The following TP73 variants were observed in gnomAD, a reference collection of about 807,000 sequenced individuals.
TP73 encodes the protein tumor protein p73, also known as p53-like transcription factor.
A neutral mutation model predicts 62.5 loss-of-function variants in TP73; 25 were observed. The observed-to-expected ratio is 0.40, with a 90% CI of 0.29 to 0.56. The LOEUF (loss-of-function observed/expected upper bound fraction) is 0.56, where lower values mean the gene tolerates loss of function less well. TP73 is among the 20% of genes least tolerant of loss of function. The probability of loss-of-function intolerance (pLI) is 0.46; values close to 1 mark genes in which losing one functional copy is unlikely to be tolerated. For missense variants in TP73, 754 were observed against 913.3 expected (o/e 0.83, Z 2.25); for synonymous variants, 423 against 377.5 (o/e 1.12, Z -1.40).
intron 9 of TP73, 46 bp downstream of exon 9, chr1:3,728,263 C>T (rs759382486): frequency 2.5e-6 from 4 of 1,583,118 alleles, no homozygotes; most frequent in Non-Finnish European, 3.4e-6. Flanking sequence ...TGCCTCACCT[C>T]TGTCGTCTGC....
At chr1:3,697,074 G>T (rs1329644178) in intron 3 of TP73, among the ~76,000 whole-genome samples, 2 of 151,950 alleles carry the variant, frequency 1.3e-5, no homozygotes, top group East Asian at 1.9e-4. Flanking sequence ...CTTTGCTCAG[G>T]CCAGAGCCCT....
chr1:3,717,085 A>T (rs1393283825), intron 4 of TP73, among the ~76,000 whole-genome samples: 1 of 152,238 alleles, frequency 6.6e-6, no homozygotes, highest in Non-Finnish European at 1.5e-5. Context: ...GGTTAACGGT[A>T]TTTGCGGTTT....
At chr1:3,671,621 G>C (rs1159014673) in intron 1 of TP73, among the ~76,000 whole-genome samples, 1 of 152,248 alleles carries the variant, frequency 6.6e-6, no homozygotes, top group Non-Finnish European at 1.5e-5. Context: ...GCCAGCTGTG[G>C]TGCTTCTGAG....
In TP73 at chr1:3,663,186, G is replaced by A. The variant is rs534633928; in HGVS notation, c.-34+10545G>A. Among the ~76,000 whole-genome samples, 15 of 152,262 alleles carry A rather than the reference G, an allele frequency of 9.9e-5. No individual in the cohort carries two copies. The highest frequency in any genetic ancestry group is 6.2e-4 in the South Asian group (3 of 4,822). On this transcript the variant is annotated intron_variant, in intron 1 of 13. Transcript: ENST00000378295. The surrounding 1 kb of genome is among the most constrained non-coding windows in gnomAD (Gnocchi z 4.7). ...AGAAGGGGCCTCTCTTCTTCACGAG[G>A]CTGGTGGCTGCGGCACCTACAAAGA...
chr1:3,733,185 G>C lies in TP73; in HGVS notation c.*106G>C. On this transcript the variant is annotated 3_prime_UTR_variant, in exon 14 of 14. Coordinates refer to ENST00000378295, the MANE Select transcript of TP73 (RefSeq NM_005427.4). ...CCTCAGGAGGCAGGACCTTCGGGCT[G>C]TGCCCGGGGAAAGGCAAGGTCCGGC... 3 of 1,318,520 alleles carry C rather than the reference G, an allele frequency of 2.3e-6. No individual in the cohort carries two copies. Among genetic ancestry groups the C allele is most frequent in the Non-Finnish European group, 3.0e-6 (3 of 986,504 alleles). 81.7% of individuals were successfully genotyped at this position (1,318,520 alleles called of 1,614,324 possible). A position where few individuals can be genotyped will look rare whatever the true frequency, so the allele number is the denominator to read the frequency against.
chr1:3,669,978 AG>A (rs1645203898), intron 1 of TP73, among the ~76,000 whole-genome samples: 1 of 152,056 alleles, frequency 6.6e-6, no homozygotes, highest in African/African-American at 2.4e-5. Flanking sequence ...AGGGAAACTG[AG>A]TGACCAGCTC....
chr1:3,728,445 C>T (rs528151805), intron 9 of TP73, among the ~76,000 whole-genome samples: 3 of 152,320 alleles, frequency 2.0e-5, no homozygotes, highest in Admixed American at 1.3e-4. Flanking sequence ...AAAAACCCAG[C>T]GTCATGCCAT....
chr1:3,683,993 T>C (rs1197110222), intron 3 of TP73, among the ~76,000 whole-genome samples: 2 of 152,230 alleles, frequency 1.3e-5, no homozygotes, highest in Non-Finnish European at 2.9e-5. Context: ...CCCTGCCCCA[T>C]TGGCTGCTCC....
chr1:3,685,876 C>T (rs1645641634), intron 3 of TP73, among the ~76,000 whole-genome samples: 1 of 152,232 alleles, frequency 6.6e-6, no homozygotes, highest in African/African-American at 2.4e-5. Context: ...AAAACTGCCA[C>T]CTGCAGCTCA....
chr1:3,692,329 C>A (rs570867875), intron 3 of TP73, among the ~76,000 whole-genome samples: 1 of 152,146 alleles, frequency 6.6e-6, no homozygotes, highest in African/African-American at 2.4e-5. Flanking sequence ...AGCCCCACAG[C>A]CTGCCCAGAT....
intron 1 of TP73, among the ~76,000 whole-genome samples, chr1:3,675,913 G>A (rs1273542972): frequency 2.0e-5 from 3 of 152,120 alleles, no homozygotes; most frequent in African/African-American, 4.8e-5. Context: ...AGGATGGGGC[G>A]TCAGCCGGAG....
intron 1 of TP73, among the ~76,000 whole-genome samples, chr1:3,681,505 G>A (rs992403619): frequency 3.3e-5 from 5 of 152,168 alleles, no homozygotes; most frequent in Admixed American, 2.0e-4. Context: ...ACGGGCGCTG[G>A]GGTCAGAGCT....
At chr1:3,719,379 C>T (rs1392061466) in intron 4 of TP73, among the ~76,000 whole-genome samples, 2 of 152,304 alleles carry the variant, frequency 1.3e-5, no homozygotes, top group East Asian at 3.9e-4. Context: ...AGAAGCCTGG[C>T]GACACGGCTG....
intron 1 of TP73, among the ~76,000 whole-genome samples, chr1:3,654,098 T>C (rs1354987847): frequency 6.6e-6 from 1 of 152,168 alleles, no homozygotes; most frequent in Non-Finnish European, 1.5e-5. Context: ...TGCTTGAACC[T>C]GGGATGGAGA....
chr1:3,662,871 G>C lies in TP73; in HGVS notation c.-34+10230G>C, dbSNP rs1367363291. Among the ~76,000 whole-genome samples, 1 of 152,210 alleles carries C rather than the reference G, an allele frequency of 6.6e-6. No individual in the cohort carries two copies. The highest frequency in any genetic ancestry group is 1.5e-5 in the Non-Finnish European group (1 of 68,026). On this transcript the variant is annotated intron_variant, in intron 1 of 13. Transcript: ENST00000378295. This position sits in a 1 kb window ranked among gnomAD's most constrained non-coding sequence, Gnocchi z 4.4. ...GGGAGGGGTCCCCAGTGTGAGGACA[G>C]CATGGGGCTGCCTCTTCCAGCAGCT...
At chr1:3,729,611 G>A (rs765404936) in intron 10 of TP73, 163 bp downstream of exon 10, 29 of 1,333,066 alleles carry the variant, frequency 2.2e-5, no homozygotes, top group Non-Finnish European at 3.1e-5. Flanking sequence ...CCTCCAGGAA[G>A]CCTTCTAGCA....
At chr1:3,657,709 G>A (rs557492082) in intron 1 of TP73, among the ~76,000 whole-genome samples, 2 of 152,316 alleles carry the variant, frequency 1.3e-5, no homozygotes, top group Admixed American at 1.3e-4. Context: ...TTTTCAGGAC[G>A]AGGATCTTGG....
Position 3,730,104 on chromosome 1 carries a change from C to T in TP73, c.1301C>T (p.Pro434Leu), listed in dbSNP as rs1642011895. Reference protein sequence around the residue: ...LPSVNQLVGQPPPHSSAATPN... With the variant: ...LPSVNQLVGQLPPHSSAATPN... ...TCCGTCAACCAGCTGGTGGGCCAGC[C>T]TCCCCCGCACAGTTCGGCAGCTACA... The change falls in exon 11 of 14, where the codon CCT becomes CTT. Residue 434 changes from proline to leucine, a missense_variant. By Grantham distance (98) the Pro-to-Leu change is moderately conservative. Transcript: ENST00000378295. 2 of 1,582,918 alleles carry T rather than the reference C, an allele frequency of 1.3e-6. No individual in the cohort carries two copies. The highest frequency in any genetic ancestry group is 8.6e-7 in the Non-Finnish European group (1 of 1,165,040).
intron 9 of TP73, among the ~76,000 whole-genome samples, chr1:3,728,745 C>T (rs1407149239): frequency 1.3e-5 from 2 of 152,196 alleles, no homozygotes; most frequent in Non-Finnish European, 2.9e-5. Flanking sequence ...GAGGCTGAGG[C>T]GGGTGGATCA....
Sources: gnomAD v4.1 joint callset for allele counts (sites outside exome capture counted in the v4.1 genomes callset) on GRCh38, gnomAD v4.1.1 for gene constraint, Gnocchi (gnomAD v3.1) non-coding constraint, MANE v1.5 for transcripts, NCBI Gene and HGNC (gene_info 2026-07-23, HGNC 2026-07-21) for gene names.